NARS2: variants seen among roughly 807,000 people sequenced by gnomAD.
The protein encoded by NARS2 is asparaginyl-tRNA synthetase.
NARS2 carries 60 observed loss-of-function variants against 62.9 expected under a neutral mutation model. That is an observed-to-expected ratio of 0.95 (90% CI 0.77 to 1.18). NARS2 has a LOEUF of 1.18. Ranked by LOEUF, NARS2 falls within the 50% of genes most tolerant of loss-of-function variation. The pLI is 0.00. For synonymous variants in NARS2, 196 were observed against 200.0 expected (o/e 0.98, Z 0.17); for missense variants, 619 against 576.4 (o/e 1.07, Z -0.76).
At chr11:78,520,666 AT>A (rs1861081727) in intron 6 of NARS2, among the ~76,000 whole-genome samples, 1 of 152,140 alleles carries the variant, frequency 6.6e-6, no homozygotes, top group African/African-American at 2.4e-5. Context: ...TTTTGGTGTT[AT>A]TTTTCCTGTG....
intron 11 of NARS2, among the ~76,000 whole-genome samples, chr11:78,458,337 T>A (rs1173323210): frequency 6.6e-6 from 1 of 152,164 alleles, no homozygotes; most frequent in Non-Finnish European, 1.5e-5. Flanking sequence ...ACTACCTACT[T>A]CCTAAAACAC....
intron 6 of NARS2, among the ~76,000 whole-genome samples, chr11:78,525,442 G>T (rs943208113): frequency 6.6e-6 from 1 of 152,098 alleles, no homozygotes; most frequent in African/African-American, 2.4e-5. Flanking sequence ...TATCAAAGGG[G>T]CGTAAGAATC....
chr11:78,559,404 T>C, intron 5 of NARS2, 135 bp downstream of exon 5: 1 of 634,292 alleles, frequency 1.6e-6, no homozygotes, highest in Non-Finnish European at 2.8e-6. Context: ...CTATGTAAGT[T>C]TTTCAAGGAT....
At chr11:78,478,774 T>C (rs1477255923) in intron 7 of NARS2, 91 bp from the exon 8 acceptor site, 1 of 627,876 alleles carries the variant, frequency 1.6e-6, no homozygotes, top group Non-Finnish European at 2.6e-6. Flanking sequence ...TTCCAGGCTT[T>C]AGCAACTATA....
At chr11:78,455,804 A>C (rs1193753420) in intron 11 of NARS2, among the ~76,000 whole-genome samples, 1 of 151,872 alleles carries the variant, frequency 6.6e-6, no homozygotes, top group Non-Finnish European at 1.5e-5. Flanking sequence ...GTGATTTTGC[A>C]TGAGTGACTA....
intron 13 of NARS2, among the ~76,000 whole-genome samples, chr11:78,437,695 G>A (rs1056301164): frequency 4.6e-5 from 7 of 151,924 alleles, no homozygotes; most frequent in African/African-American, 1.5e-4. Flanking sequence ...CAAGTTTATC[G>A]GCCGGGTGTG....
chr11:78,560,240 A>G (rs1031278464), intron 4 of NARS2, among the ~76,000 whole-genome samples: 2 of 152,248 alleles, frequency 1.3e-5, no homozygotes, highest in Non-Finnish European at 2.9e-5. Context: ...AATGGACTCC[A>G]CATGGCACAG....
intron 6 of NARS2, among the ~76,000 whole-genome samples, chr11:78,496,288 T>C (rs1273148831): frequency 6.6e-6 from 1 of 152,142 alleles, no homozygotes; most frequent in Non-Finnish European, 1.5e-5. Context: ...TAAGTAATAG[T>C]AGCAATAGTA....
intron 5 of NARS2, among the ~76,000 whole-genome samples, chr11:78,536,184 T>C (rs1231199890): frequency 6.6e-6 from 1 of 152,212 alleles, no homozygotes; most frequent in Non-Finnish European, 1.5e-5. Flanking sequence ...GGTGATGCTG[T>C]TGTAAACAAA....
Position 78,537,197 on chromosome 11 carries a change from T to C in NARS2, c.595-8261A>G, listed in dbSNP as rs182734862. On this transcript the variant is annotated intron_variant, in intron 5 of 13. Coordinates refer to ENST00000281038, the MANE Select transcript of NARS2 (RefSeq NM_024678.6). ...TAAGCGACACATGACCATATATGGATGGAGAGATGCAGAGAGAGTGTGTGT... is the reference window on the plus strand; with the variant it reads ...TAAGCGACACATGACCATATATGGACGGAGAGATGCAGAGAGAGTGTGTGT... Among the ~76,000 whole-genome samples the C allele has an allele frequency of 2.0e-3, 308 of 152,200 alleles. 1 individual carries two copies. Among genetic ancestry groups the C allele is most frequent in the African/African-American group, 7.2e-3 (298 of 41,522 alleles).
rs939411680 is a variant in NARS2, at chr11:78,436,574, C to T, written c.*96G>A. ...TGGCACAACAATTACATATTGAAAT[C>T]TGCATTTCTAAAATCCAAACATGCA... On this transcript the variant is annotated 3_prime_UTR_variant, in exon 14 of 14. Coordinates refer to ENST00000281038, the MANE Select transcript of NARS2 (RefSeq NM_024678.6). 4.6e-6 allele frequency: 6 copies of T among 1,296,400 alleles called. No homozygotes were observed. The highest frequency in any genetic ancestry group is 6.4e-6 in the Non-Finnish European group (6 of 935,222). 80.3% of individuals were successfully genotyped at this position (1,296,400 alleles called of 1,614,324 possible). A position where few individuals can be genotyped will look rare whatever the true frequency, so the allele number is the denominator to read the frequency against.
At chr11:78,478,900 T>C (rs556613811) in intron 7 of NARS2, among the ~76,000 whole-genome samples, 3 of 152,342 alleles carry the variant, frequency 2.0e-5, no homozygotes, top group Non-Finnish European at 2.9e-5. Flanking sequence ...TGTTTTAATC[T>C]TATGTTGACA....
At chr11:78,540,454 C>G (rs529619224) in intron 5 of NARS2, among the ~76,000 whole-genome samples, 1 of 144,816 alleles carries the variant, frequency 6.9e-6, no homozygotes, top group South Asian at 2.4e-4. Flanking sequence ...GTAAGCTGAA[C>G]AGTGGAAAGG....
chr11:78,508,912 T>G (rs950535104), intron 6 of NARS2, among the ~76,000 whole-genome samples: 9 of 151,838 alleles, frequency 5.9e-5, no homozygotes, highest in African/African-American at 9.7e-5. Context: ...GCACGGAGTT[T>G]GAGACCAGCC....
chr11:78,448,482 G>C (rs1407702447), intron 11 of NARS2, among the ~76,000 whole-genome samples: 2 of 151,872 alleles, frequency 1.3e-5, no homozygotes, highest in South Asian at 4.2e-4. Flanking sequence ...GTAGAGACGG[G>C]GTTTCACTAT....
At chr11:78,483,037 C>A (rs1053439570) in intron 7 of NARS2, among the ~76,000 whole-genome samples, 1 of 152,098 alleles carries the variant, frequency 6.6e-6, no homozygotes, top group African/African-American at 2.4e-5. Flanking sequence ...AAAGCTTATC[C>A]ACCACGATCA....
chr11:78,481,265 G>T (rs1859344212), intron 7 of NARS2, among the ~76,000 whole-genome samples: 1 of 152,122 alleles, frequency 6.6e-6, no homozygotes, highest in Non-Finnish European at 1.5e-5. Flanking sequence ...GGGGTATAGG[G>T]GTAAGGAATA....
At chr11:78,487,474 A>C (rs1231748043) in intron 7 of NARS2, among the ~76,000 whole-genome samples, 1 of 152,100 alleles carries the variant, frequency 6.6e-6, no homozygotes, top group African/African-American at 2.4e-5. Flanking sequence ...ACAATATCAA[A>C]AGGTTTTACA....
intron 5 of NARS2, among the ~76,000 whole-genome samples, chr11:78,551,524 G>T (rs1409024439): frequency 6.6e-6 from 1 of 152,192 alleles, no homozygotes; most frequent in Non-Finnish European, 1.5e-5. Context: ...TTTATGGTAT[G>T]TGAGATATGT....
Sources: gnomAD v4.1 joint callset for allele counts (sites outside exome capture counted in the v4.1 genomes callset) on GRCh38, gnomAD v4.1.1 for gene constraint, MANE v1.5 for transcripts, NCBI Gene and HGNC (gene_info 2026-07-23, HGNC 2026-07-21) for gene names.